TRIO: variants seen among roughly 807,000 people sequenced by gnomAD.
TRIO encodes trio Rho guanine nucleotide exchange factor.
In TRIO, 58 loss-of-function variants were observed where a neutral mutation model predicts 351.9. That is an observed-to-expected ratio of 0.16 (90% CI 0.13 to 0.21). The LOEUF is 0.21. Ranked by LOEUF, TRIO falls within the 10% of genes least tolerant of loss-of-function variation. The pLI, the probability that TRIO is intolerant of heterozygous loss-of-function variation, is 1.00. For synonymous variants in TRIO, 1,758 were observed against 1,595.7 expected (o/e 1.10, Z -2.42); for missense variants, 3,201 against 4,027.8 (o/e 0.79, Z 5.56).
chr5:14,210,395 A>T (rs1791809308), intron 1 of TRIO, among the ~76,000 whole-genome samples: 1 of 152,162 alleles, frequency 6.6e-6, no homozygotes, highest in Non-Finnish European at 1.5e-5. Flanking sequence ...CTCTGCTGTG[A>T]TCCCCATGGG....
chr5:14,282,680 A>C (rs1181767305), intron 3 of TRIO, among the ~76,000 whole-genome samples: 1 of 152,186 alleles, frequency 6.6e-6, no homozygotes, highest in Non-Finnish European at 1.5e-5. Context: ...AGATTTTGCC[A>C]ATCTTGTTTT....
chr5:14,160,969 G>A (rs1444804235), intron 1 of TRIO, among the ~76,000 whole-genome samples: 2 of 152,084 alleles, frequency 1.3e-5, no homozygotes, highest in Non-Finnish European at 2.9e-5. Flanking sequence ...GGAGTGCAGC[G>A]GTGTGATTTT....
In TRIO at chr5:14,362,687, C is replaced by G. The variant is rs1450054656; in HGVS notation, c.2392-1045C>G. ...TTCTGTTTTTGTGCACGAGTCTTTG[C>G]GAGGTGGTGCATCGTAGTTCCCCAT... On this transcript the variant is annotated intron_variant, in intron 13 of 56. Coordinates refer to ENST00000344204, the MANE Select transcript of TRIO (RefSeq NM_007118.4). Among the ~76,000 whole-genome samples, 4 of 152,230 alleles carry G rather than the reference C, an allele frequency of 2.6e-5. No homozygotes were observed. In the East Asian group the frequency reaches 7.7e-4, roughly 29 times the overall value.
chr5:14,227,595 C>A (rs530835409), intron 1 of TRIO, among the ~76,000 whole-genome samples: 1 of 152,192 alleles, frequency 6.6e-6, no homozygotes, highest in Non-Finnish European at 1.5e-5. Context: ...ATAAAAGATA[C>A]CACCCTTTGA....
chr5:14,298,135 C>G (rs992923453), intron 7 of TRIO, among the ~76,000 whole-genome samples: 4 of 152,136 alleles, frequency 2.6e-5, no homozygotes, highest in Non-Finnish European at 4.4e-5. Context: ...ATAAACTTAG[C>G]TACATGGCAT....
chr5:14,501,797 TG>T (rs1757315079), intron 53 of TRIO, among the ~76,000 whole-genome samples: 1 of 151,584 alleles, frequency 6.6e-6, no homozygotes, highest in Non-Finnish European at 1.5e-5. Context: ...GGAAACTAAG[TG>T]GGGAGAGGAG....
At chr5:14,428,115 T>A (rs543088662) in intron 34 of TRIO, among the ~76,000 whole-genome samples, 10 of 152,346 alleles carry the variant, frequency 6.6e-5, no homozygotes, top group African/African-American at 2.4e-4. Flanking sequence ...AAGGTGAATC[T>A]GAGTCTCCTC....
chr5:14,286,906 T>C lies in TRIO; in HGVS notation c.383T>C (p.Val128Ala). The C allele has an allele frequency of 6.2e-7, 1 of 1,613,902 alleles. No individual in the cohort carries two copies. Among genetic ancestry groups the C allele is most frequent in the Non-Finnish European group, 8.5e-7 (1 of 1,179,872 alleles). The change falls in exon 4 of 57, where the codon GTG (valine) becomes GCG (alanine). Residue 128 changes from valine to alanine, a missense_variant. Physicochemically the swap from Val to Ala is moderately conservative, Grantham distance 64. This residue lies in a region of TRIO where 11 missense variants were observed against 36.8 expected (regional missense o/e 0.30). Transcript: ENST00000344204. The surrounding 1 kb of genome is among the most constrained non-coding windows in gnomAD (Gnocchi z 4.4). Reference sequence around the variant, plus strand: ...TGCAAGCGTGGCTTCACGGTGATCGTGGACATGCGTGGGTCCAAGTGGGAC... The same window carrying C: ...TGCAAGCGTGGCTTCACGGTGATCGCGGACATGCGTGGGTCCAAGTGGGAC... ...EVCKRGFTVIVDMRGSKWDSI... is the reference protein window; with the variant it reads ...EVCKRGFTVIADMRGSKWDSI...
intron 34 of TRIO, among the ~76,000 whole-genome samples, chr5:14,423,055 C>T (rs995378241): frequency 6.6e-6 from 1 of 152,234 alleles, no homozygotes; most frequent in East Asian, 1.9e-4. Flanking sequence ...TCTGATGGCG[C>T]CTTCTGCTCT....
intron 1 of TRIO, among the ~76,000 whole-genome samples, chr5:14,150,119 T>G (rs1787741705): frequency 6.6e-6 from 1 of 152,188 alleles, no homozygotes; most frequent in Non-Finnish European, 1.5e-5. Context: ...GTCTGTCTGT[T>G]GTTGTTAGCA....
chr5:14,167,589 A>G (rs1033315878), intron 1 of TRIO, among the ~76,000 whole-genome samples: 1 of 152,240 alleles, frequency 6.6e-6, no homozygotes, highest in African/African-American at 2.4e-5. Context: ...GGCTTGGGAT[A>G]ATACTAGTAC....
chr5:14,382,745 G>C (rs182297470), intron 21 of TRIO, among the ~76,000 whole-genome samples: 1 of 152,068 alleles, frequency 6.6e-6, no homozygotes, highest in Admixed American at 6.5e-5. Context: ...ATTTAGGGGC[G>C]TGTGTGTGTC....
At chr5:14,307,301 C>G (rs191307616) in intron 8 of TRIO, among the ~76,000 whole-genome samples, 1 of 152,204 alleles carries the variant, frequency 6.6e-6, no homozygotes, top group Non-Finnish European at 1.5e-5. Flanking sequence ...CCCAAGTGTT[C>G]CAATGATGCC....
At chr5:14,395,076 T>C (rs1481730628) in intron 28 of TRIO, among the ~76,000 whole-genome samples, 1 of 152,236 alleles carries the variant, frequency 6.6e-6, no homozygotes, top group Non-Finnish European at 1.5e-5. Context: ...TGTCTAGATA[T>C]AAAAGAAATT....
rs562906247 is a variant in TRIO at position 14,297,560 on chromosome 5, C to T, written c.1368+297C>T. 39 of 246,184 alleles carry T rather than the reference C, an allele frequency of 1.6e-4. No individual in the cohort carries two copies. In the Admixed American group the frequency reaches 1.6e-3, roughly 10 times the overall value. 15.2% of individuals were successfully genotyped at this position (246,184 alleles called of 1,614,324 possible). Reference sequence around the variant, plus strand: ...GCTAGGTGCCCTACACAGTGCCCGGCACAGTAAGCACTAAGAAGTGGCAGC... The same window carrying T: ...GCTAGGTGCCCTACACAGTGCCCGGTACAGTAAGCACTAAGAAGTGGCAGC... On this transcript the variant is annotated intron_variant, in intron 7 of 56. Coordinates refer to ENST00000344204, the MANE Select transcript of TRIO (RefSeq NM_007118.4).
chr5:14,202,729 G>A (rs1419743604), intron 1 of TRIO, among the ~76,000 whole-genome samples: 1 of 148,014 alleles, frequency 6.8e-6, no homozygotes, highest in East Asian at 2.0e-4. Flanking sequence ...AGACGTCTGT[G>A]ACTGACCCTT....
At chr5:14,414,595 T>C (rs1316746805) in intron 33 of TRIO, among the ~76,000 whole-genome samples, 1 of 152,200 alleles carries the variant, frequency 6.6e-6, no homozygotes, top group African/African-American at 2.4e-5. Context: ...AAAACGTTTT[T>C]TCTCACCGAT....
At position 14,492,824 on chromosome 5, in the gene TRIO, T is replaced by A. The variant is rs1756588382; in HGVS notation, c.7880+10T>A. The A allele has an allele frequency of 1.2e-6, 2 of 1,610,432 alleles. No individual in the cohort carries two copies. Among genetic ancestry groups the A allele is most frequent in the Non-Finnish European group, 1.7e-6 (2 of 1,177,442 alleles). On this transcript the variant is annotated intron_variant, in intron 49 of 56. Coordinates refer to ENST00000344204, the MANE Select transcript of TRIO (RefSeq NM_007118.4). ...CGGACGGGACTCTCAAGTGAGTGCT[T>A]GACAGTAACGGCGTCCTGGCAGGCA...
At position 14,402,807 on chromosome 5, in the gene TRIO, CGT is replaced by C. The variant is rs1184318106; in HGVS notation, c.4716+1746_4716+1747del. On this transcript the variant is annotated intron_variant, in intron 31 of 56. Coordinates refer to ENST00000344204, the MANE Select transcript of TRIO (RefSeq NM_007118.4). ...TGGTGAGGTTGTAGATGGAGGTCAT[CGT>C]GTAGAATTTGGTGGCAGTGGTAGTA... Among the ~76,000 whole-genome samples, 3 of 150,698 alleles carry C rather than the reference CGT, an allele frequency of 2.0e-5. No homozygotes were observed. The East Asian group carries it at 5.9e-4, about 29-fold the overall frequency.
Sources: allele counts gnomAD v4.1 joint callset (sites outside exome capture counted in the v4.1 genomes callset), GRCh38; gene constraint gnomAD v4.1.1; regional missense constraint gnomAD v4.1.1; non-coding constraint Gnocchi (gnomAD v3.1); transcripts MANE v1.5; gene names NCBI Gene and HGNC (gene_info 2026-07-23, HGNC 2026-07-21).